Variants in SBNO2 observed in about 807,000 individuals in gnomAD.
SBNO2 encodes the protein strawberry notch homolog 2, also known as protein strawberry notch homolog 2.
Under a neutral mutation model 146.3 loss-of-function variants are expected in SBNO2, and 89 were observed. The observed-to-expected ratio is 0.61, with a 90% CI of 0.51 to 0.73. The LOEUF (loss-of-function observed/expected upper bound fraction) is 0.73. SBNO2 is among the 30% of genes least tolerant of loss of function. The pLI is 0.00. For missense variants in SBNO2, 2,092 were observed against 2,003.7 expected (o/e 1.04, Z -0.84); for synonymous variants, 1,147 against 892.6 (o/e 1.29, Z -5.08).
chr19:1,133,647 C>T (rs1275408099), intron 4 of SBNO2, among the ~76,000 whole-genome samples: 1 of 152,208 alleles, frequency 6.6e-6, no homozygotes, highest in Non-Finnish European at 1.5e-5. Context: ...AGGCACCCCG[C>T]CCGCCAATGG....
intron 2 of SBNO2, 117 bp downstream of exon 2, chr19:1,154,067 G>T (rs2080266304): frequency 2.2e-6 from 1 of 457,690 alleles, no homozygotes; most frequent in East Asian, 3.6e-5. Context: ...AAGGTCAGGT[G>T]GAGATCACGC....
chr19:1,158,640 G>A lies in SBNO2; in HGVS notation c.-126-4238C>T, dbSNP rs1025053297. On this transcript the variant is annotated intron_variant, in intron 1 of 31. Transcript: ENST00000361757. The surrounding 1 kb of genome is among the most constrained non-coding windows in gnomAD (Gnocchi z 9.9). ...GAGGAGGAGGCGGCGAGGCCCGGGC[G>A]AGCGGGCGCGACCGTGGTGATGGAG... Among the ~76,000 whole-genome samples, 11 of 152,296 alleles carry A rather than the reference G, an allele frequency of 7.2e-5. No individual in the cohort carries two copies. Among genetic ancestry groups the A allele is most frequent in the African/African-American group, 2.6e-4 (11 of 41,550 alleles).
At chr19:1,172,545 G>A (rs1394039383) in intron 1 of SBNO2, among the ~76,000 whole-genome samples, 6 of 152,182 alleles carry the variant, frequency 3.9e-5, no homozygotes, top group African/African-American at 1.2e-4. Context: ...GCCGAGTCAG[G>A]GAGAGACATC....
intron 4 of SBNO2, among the ~76,000 whole-genome samples, chr19:1,135,000 C>T (rs891203772): frequency 2.1e-5 from 3 of 141,240 alleles, no homozygotes; most frequent in Admixed American, 7.4e-5. Flanking sequence ...GAGCTGAAAT[C>T]GTGCCACTGC....
chr19:1,131,978 C>G, intron 4 of SBNO2: 1 of 739,758 alleles, frequency 1.4e-6, no homozygotes. Flanking sequence ...GCCTCGGACT[C>G]TAGGATGAGA....
rs375403976 is a variant in SBNO2, at chr19:1,114,398, T to C, written c.1910A>G (p.Lys637Arg). The change falls in exon 18 of 32, where the codon AAA (lysine) becomes AGA (arginine). Residue 637 changes from lysine to arginine, a missense_variant. By Grantham distance (26) the Lys-to-Arg change is conservative. Transcript: ENST00000361757. The part of the protein sequence containing the change: ...RKRRPRGRGA[K>R]APRLACETAG... ...TGTCTCGCACGCCAGCCGGGGGGCT[T>C]TGGCCCCGCGTCCCCGAGGTCGCCC... is the stretch of plus-strand genomic sequence containing the variant. 5.2e-5 allele frequency: 80 copies of C among 1,545,138 alleles called. No homozygotes were observed. In the Middle Eastern group the frequency reaches 1.4e-3, roughly 26 times the overall value.
At chr19:1,113,732 G>A in intron 18 of SBNO2, 28 bp from the exon 19 acceptor site, 2 of 1,465,630 alleles carry the variant, frequency 1.4e-6, no homozygotes, top group Non-Finnish European at 9.0e-7. Flanking sequence ...GGTCAGGGCA[G>A]GACATGTTGG....
At chr19:1,119,647 C>A in intron 12 of SBNO2, 26 bp from the exon 13 acceptor site, 1 of 1,576,268 alleles carries the variant, frequency 6.3e-7, no homozygotes, top group Non-Finnish European at 8.6e-7. Flanking sequence ...GCCGTCAGCT[C>A]CCCAACCCGG....
In SBNO2 at chr19:1,144,852, GCAGAGAGGGAGACACAGACAGAGA is replaced by G. The variant is rs2080172955; in HGVS notation, c.279+2433_279+2456del. Among the ~76,000 whole-genome samples the G allele has an allele frequency of 1.4e-5, 2 of 139,802 alleles. No individual in the cohort carries two copies. Among genetic ancestry groups the G allele is most frequent in the South Asian group, 2.4e-4 (1 of 4,142 alleles). 91.7% of individuals were successfully genotyped at this position (139,802 alleles called of 152,430 possible). A position where few individuals can be genotyped will look rare whatever the true frequency, so the allele number is the denominator to read the frequency against. ...GACAGAGAGACAGGGGCAGAGACAA[GCAGAGAGGGAGACACAGACAGAGA>G]CAGAGAGGGAGACAGAGAGACAGAG... On this transcript the variant is annotated intron_variant, in intron 4 of 31. Coordinates refer to ENST00000361757, the MANE Select transcript of SBNO2 (RefSeq NM_014963.3). This position sits in a 1 kb window ranked among gnomAD's most constrained non-coding sequence, Gnocchi z 4.1.
rs571494867 is a variant in SBNO2 at position 1,150,590 on chromosome 19, C to G, written c.94-1148G>C. On this transcript the variant is annotated intron_variant, in intron 2 of 31. Transcript: ENST00000361757. This position sits in a 1 kb window ranked among gnomAD's most constrained non-coding sequence, Gnocchi z 6.2. ...TGGTCATGGGGGAGACACCACCAGCCGGGGGCATCATCCTGCTTATCCCAG... is the reference window on the plus strand; with the variant it reads ...TGGTCATGGGGGAGACACCACCAGCGGGGGGCATCATCCTGCTTATCCCAG... 2.0e-5 allele frequency among the ~76,000 whole-genome samples: 3 copies of G among 152,002 alleles called. No homozygotes were observed. The highest frequency in any genetic ancestry group is 7.3e-5 in the African/African-American group (3 of 41,350).
intron 1 of SBNO2, among the ~76,000 whole-genome samples, chr19:1,164,637 AG>A (rs2080388470): frequency 1.4e-5 from 2 of 139,036 alleles, no homozygotes; most frequent in Non-Finnish European, 3.1e-5. Flanking sequence ...GAGGAGGAGG[AG>A]GAGGAGGAAC....
At position 1,112,512 on chromosome 19, in the gene SBNO2, G is replaced by A. The variant is rs529975551; in HGVS notation, c.2405C>T (p.Ser802Phe). ...EKLVAIISEA[S>F]SSGVSLQADR... is the part of the protein sequence containing the mutation. Reference sequence around the variant, plus strand: ...GGCTTGGAGGGAGACACCCGAGCTGGAGGCCTCCGAGATGATGGCCACGAG... The same window carrying A: ...GGCTTGGAGGGAGACACCCGAGCTGAAGGCCTCCGAGATGATGGCCACGAG... The change falls in exon 21 of 32, where the codon TCC becomes TTC. Residue 802 changes from serine to phenylalanine, a missense_variant. Coordinates refer to ENST00000361757, the MANE Select transcript of SBNO2 (RefSeq NM_014963.3). This position sits in a 1 kb window ranked among gnomAD's most constrained non-coding sequence, Gnocchi z 5.9. 1.2e-6 allele frequency: 2 copies of A among 1,604,108 alleles called. No individual in the cohort carries two copies. Among genetic ancestry groups the A allele is most frequent in the South Asian group, 1.1e-5 (1 of 90,392 alleles).
chr19:1,119,481 C>A, intron 13 of SBNO2, 35 bp downstream of exon 13: 1 of 1,433,240 alleles, frequency 7.0e-7, no homozygotes, highest in South Asian at 1.2e-5. Context: ...CCCCACCCCC[C>A]GCCGCCCCTC....
Position 1,126,337 on chromosome 19 carries a change from C to T in SBNO2, c.441+1267G>A, listed in dbSNP as rs1473010160. On this transcript the variant is annotated intron_variant, in intron 5 of 31. Coordinates refer to ENST00000361757, the MANE Select transcript of SBNO2 (RefSeq NM_014963.3). This position sits in a 1 kb window ranked among gnomAD's most constrained non-coding sequence, Gnocchi z 4.4. ...GCAGGTTCCTGGAAGGCTGAGTCACCATTCCCGGTGGGGCTGGCGGGCATT... is the reference window on the plus strand; with the variant it reads ...GCAGGTTCCTGGAAGGCTGAGTCACTATTCCCGGTGGGGCTGGCGGGCATT... 6.6e-6 allele frequency among the ~76,000 whole-genome samples: 1 copy of T among 152,164 alleles called. No homozygotes were observed. Among genetic ancestry groups the T allele is most frequent in the Non-Finnish European group, 1.5e-5 (1 of 68,030 alleles).
At chr19:1,133,588 C>G (rs2080055928) in intron 4 of SBNO2, among the ~76,000 whole-genome samples, 2 of 152,230 alleles carry the variant, frequency 1.3e-5, no homozygotes, top group East Asian at 3.9e-4. Flanking sequence ...CTCCTGGAGG[C>G]TGGGCGACAA....
At chr19:1,130,239 GC>G (rs2080013139) in intron 4 of SBNO2, among the ~76,000 whole-genome samples, 1 of 152,214 alleles carries the variant, frequency 6.6e-6, no homozygotes, top group Admixed American at 6.5e-5. Context: ...AGCCGTGACA[GC>G]CACAGACGGG....
intron 4 of SBNO2, among the ~76,000 whole-genome samples, chr19:1,135,168 C>G (rs1294329961): frequency 2.0e-5 from 3 of 151,938 alleles, no homozygotes; most frequent in Non-Finnish European, 4.4e-5. Flanking sequence ...TCAAGACCAG[C>G]CTGGGCAACA....
chr19:1,112,407 T>C lies in SBNO2; in HGVS notation c.2510A>G (p.Gln837Arg). 1 of 1,602,840 alleles carries C rather than the reference T, an allele frequency of 6.2e-7. No homozygotes were observed. The highest frequency in any genetic ancestry group is 8.5e-7 in the Non-Finnish European group (1 of 1,177,394). The change falls in exon 21 of 32, where the codon CAG becomes CGG. Residue 837 changes from glutamine to arginine, a missense_variant. By Grantham distance (43) the Gln-to-Arg change is conservative. Coordinates refer to ENST00000361757, the MANE Select transcript of SBNO2 (RefSeq NM_014963.3). This position sits in a 1 kb window ranked among gnomAD's most constrained non-coding sequence, Gnocchi z 5.9. ...GGGGGCGGGGCCGGACTCACCGAAC[T>C]GCTGGATGGCGCGGTCGGCGCTCCA... ...LPWSADRAIQ[Q>R]FGRTHRSNQV...
intron 4 of SBNO2, among the ~76,000 whole-genome samples, chr19:1,133,419 C>G (rs1199648248): frequency 6.6e-6 from 1 of 152,134 alleles, no homozygotes; most frequent in Non-Finnish European, 1.5e-5. Flanking sequence ...GAGAGTGGGA[C>G]CAGGGGGCCC....
Sources: gnomAD v4.1 joint callset for allele counts (sites outside exome capture counted in the v4.1 genomes callset) on GRCh38, gnomAD v4.1.1 for gene constraint, Gnocchi (gnomAD v3.1) non-coding constraint, MANE v1.5 for transcripts, NCBI Gene and HGNC (gene_info 2026-07-23, HGNC 2026-07-21) for gene names.